Variants in NCOR1 observed in about 807,000 individuals in gnomAD.
NCOR1 encodes nuclear receptor corepressor 1, also known as protein phosphatase 1, regulatory subunit 109.
In NCOR1, 63 loss-of-function variants were observed where a neutral mutation model predicts 288.1. That is an observed-to-expected ratio of 0.22 (90% confidence interval 0.18 to 0.27). The LOEUF (loss-of-function observed/expected upper bound fraction) is 0.27, where lower values mean the gene tolerates loss of function less well. Among genes scored for constraint, NCOR1 ranks in the 10% least tolerant of loss-of-function variants. The pLI is 1.00. For synonymous variants in NCOR1, 1,007 were observed against 1,065.9 expected (o/e 0.94, Z 1.08); for missense variants, 2,397 against 3,019.2 (o/e 0.79, Z 4.83).
intron 21 of NCOR1, among the ~76,000 whole-genome samples, chr17:16,092,892 A>AGGGGTTT (rs777915779): frequency 1.3e-5 from 2 of 150,032 alleles, no homozygotes; most frequent in Non-Finnish European, 3.0e-5. Context: ...TTAGTAGCGA[A>AGGGGTTT]GGGGTTTCGC....
Position 16,194,442 on chromosome 17 carries a change from G to C in NCOR1, c.108+20C>G. ...AAAACACAAAAAACATGTGCAATTT[G>C]CATACTATCTGTTCCTTACCTGCTG... On this transcript the variant is annotated intron_variant, in intron 2 of 45. Coordinates refer to ENST00000268712, the MANE Select transcript of NCOR1 (RefSeq NM_006311.4). 2 of 1,494,494 alleles carry C rather than the reference G, an allele frequency of 1.3e-6. No homozygotes were observed. The highest frequency in any genetic ancestry group is 1.4e-5 in the African/African-American group (1 of 72,676). The allele number at this position is 1,494,494 out of a possible 1,614,324, so 92.6% of individuals were successfully genotyped here.
chr17:16,143,575 G>A (rs770464532), intron 11 of NCOR1, 31 bp downstream of exon 11: 39 of 1,531,074 alleles, frequency 2.5e-5, no homozygotes, highest in Middle Eastern at 1.7e-4. Flanking sequence ...AATAATTAAC[G>A]AATTAACTTG....
chr17:16,066,224 C>G (rs2061105639), intron 32 of NCOR1, among the ~76,000 whole-genome samples: 1 of 152,136 alleles, frequency 6.6e-6, no homozygotes, highest in Non-Finnish European at 1.5e-5. Flanking sequence ...GGCCATTTCG[C>G]ATTTGTCACA....
chr17:16,215,235 C>T, intron 1 of NCOR1, 127 bp downstream of exon 1: 1 of 382,964 alleles, frequency 2.6e-6, no homozygotes, highest in Non-Finnish European at 4.6e-6. Context: ...CCCGACCTGC[C>T]CAGGCCTGCG....
intron 22 of NCOR1, 63 bp downstream of exon 22, chr17:16,091,800 C>T (rs1407814756): frequency 1.7e-5 from 27 of 1,608,474 alleles, no homozygotes; most frequent in Non-Finnish European, 2.3e-5. Flanking sequence ...ATGGACACTG[C>T]TTTTGGGTTT....
intron 42 of NCOR1, among the ~76,000 whole-genome samples, chr17:16,042,060 C>G (rs1381722962): frequency 6.6e-6 from 1 of 152,102 alleles, no homozygotes; most frequent in Non-Finnish European, 1.5e-5. Flanking sequence ...AATGAGACCA[C>G]AGAAGGATGG....
At position 16,142,039 on chromosome 17, in the gene NCOR1, G is replaced by C. The variant is rs181731124; in HGVS notation, c.1173+1567C>G. Among the ~76,000 whole-genome samples, 8 of 152,166 alleles carry C rather than the reference G, an allele frequency of 5.3e-5. No individual in the cohort carries two copies. The East Asian group carries it at 1.4e-3, about 26-fold the overall frequency. On this transcript the variant is annotated intron_variant, in intron 11 of 45. Transcript: ENST00000268712. ...TTATCACAATTGGCAATTTTAAGTA[G>C]TAACTACCCCTCAAACTCCCCCTCC...
intron 14 of NCOR1, among the ~76,000 whole-genome samples, chr17:16,130,734 A>C (rs1211507012): frequency 6.6e-6 from 1 of 152,182 alleles, no homozygotes; most frequent in Non-Finnish European, 1.5e-5. Context: ...CCCAGGCTGG[A>C]GTACAGCGGC....
chr17:16,072,729 C>G (rs933415060), intron 28 of NCOR1, among the ~76,000 whole-genome samples: 2 of 152,122 alleles, frequency 1.3e-5, no homozygotes, highest in Non-Finnish European at 2.9e-5. Context: ...CACATATTTA[C>G]AGTAAAAGTG....
chr17:16,115,526 T>C (rs1430505732), intron 18 of NCOR1, among the ~76,000 whole-genome samples: 2 of 152,220 alleles, frequency 1.3e-5, no homozygotes, highest in Non-Finnish European at 2.9e-5. Context: ...CCAAGTCACC[T>C]CTAGAATGCT....
chr17:16,097,758 C>T lies in NCOR1; in HGVS notation c.2820+609G>A, dbSNP rs571382369. Among the ~76,000 whole-genome samples, 77 of 152,248 alleles carry T rather than the reference C, an allele frequency of 5.1e-4. 3 individuals are homozygous for T. The South Asian group carries it at 0.01, about 20-fold the overall frequency. On this transcript the variant is annotated intron_variant, in intron 21 of 45. Coordinates refer to ENST00000268712, the MANE Select transcript of NCOR1 (RefSeq NM_006311.4). ...CATTTTAGCAAATTATGGAACCTGA[C>T]GAGGAGAGTCGGAGGAATCCCCAGT...
intron 32 of NCOR1, among the ~76,000 whole-genome samples, chr17:16,066,943 CAA>C (rs1344703959): frequency 6.6e-6 from 1 of 152,186 alleles, no homozygotes; most frequent in Non-Finnish European, 1.5e-5. Context: ...ACTTATTAAG[CAA>C]AGAGTTTATT....
chr17:16,065,984 G>C (rs989261589), intron 32 of NCOR1: 6 of 404,956 alleles, frequency 1.5e-5, no homozygotes, highest in Non-Finnish European at 2.3e-5. Flanking sequence ...TTTTTACCTG[G>C]CATCTGCAAG....
chr17:16,046,888 A>G (rs2058730007), intron 42 of NCOR1, 63 bp downstream of exon 42: 1 of 1,578,950 alleles, frequency 6.3e-7, no homozygotes, highest in Non-Finnish European at 8.7e-7. Context: ...AGGAGAGGCA[A>G]CACTGGAGAT....
chr17:16,052,010 G>T (rs982220600), intron 40 of NCOR1, among the ~76,000 whole-genome samples: 3 of 152,106 alleles, frequency 2.0e-5, no homozygotes, highest in African/African-American at 7.2e-5. Flanking sequence ...TTCAGGATCT[G>T]GTTTTTGTTT....
intron 40 of NCOR1, among the ~76,000 whole-genome samples, chr17:16,051,378 A>G (rs4792718): frequency 0.64 from 97,003 of 151,954 alleles, 32,458 homozygotes; most frequent in African/African-American, 0.84. Context: ...ACAATTACAT[A>G]GAAATTCAAT....
In NCOR1 at chr17:16,032,412, A is replaced by C; in HGVS notation, c.7207T>G (p.Cys2403Gly). ...GCTTGGTTCACCGCAGAGGGAGCAC[A>C]TGCAATCGGTGTTGGTGGAGTACTG... The part of the protein sequence containing the change: ...LSSTPPTPIA[C>G]APSAVNQAAP... Residue 2403 changes from cysteine to glycine, a missense_variant, in exon 46 of 46, where the codon TGT (cysteine) becomes GGT (glycine). By Grantham distance (159) the Cys-to-Gly change is radical. This residue lies in a region of NCOR1 where 1,872 missense variants were observed against 2,187.8 expected (regional missense o/e 0.86). Coordinates refer to ENST00000268712, the MANE Select transcript of NCOR1 (RefSeq NM_006311.4). The C allele has an allele frequency of 6.2e-7, 1 of 1,614,138 alleles. No individual in the cohort carries two copies. The highest frequency in any genetic ancestry group is 8.5e-7 in the Non-Finnish European group (1 of 1,180,012).
chr17:16,121,735 T>C (rs1054108478), intron 15 of NCOR1, among the ~76,000 whole-genome samples: 1 of 152,222 alleles, frequency 6.6e-6, no homozygotes, highest in Non-Finnish European at 1.5e-5. Context: ...CACAATATTG[T>C]TTTACAGTAA....
intron 3 of NCOR1, among the ~76,000 whole-genome samples, chr17:16,177,457 C>T (rs1199482746): frequency 2.6e-5 from 4 of 152,134 alleles, no homozygotes; most frequent in Admixed American, 1.3e-4. Context: ...TGCTCAGGTA[C>T]ATTGTGGCAG....
Sources: gnomAD v4.1 joint callset for allele counts (sites outside exome capture counted in the v4.1 genomes callset) on GRCh38, gnomAD v4.1.1 for gene constraint, gnomAD v4.1.1 regional missense constraint, MANE v1.5 for transcripts, NCBI Gene and HGNC (gene_info 2026-07-23, HGNC 2026-07-21) for gene names.